Variants in GRID2 observed in about 807,000 individuals in gnomAD.
GRID2 encodes glutamate receptor ionotropic, delta-2.
Under a neutral mutation model 114.8 loss-of-function variants are expected in GRID2, and 33 were observed. That is an observed-to-expected ratio of 0.29 (90% confidence interval 0.22 to 0.38). GRID2 has a LOEUF of 0.38. GRID2 is among the 10% of genes least tolerant of loss of function. The pLI, the probability that GRID2 is intolerant of heterozygous loss-of-function variation, is 1.00. For synonymous variants in GRID2, 505 were observed against 449.9 expected, an observed-to-expected ratio of 1.12 and a Z score of -1.55; for missense variants, 1,184 against 1,257.7, an observed-to-expected ratio of 0.94 and a Z score of 0.89.
chr4:92,964,362 G>C (rs2149160639), intron 2 of GRID2, among the ~76,000 whole-genome samples: 1 of 152,018 alleles, frequency 6.6e-6, no homozygotes, highest in African/African-American at 2.4e-5. Context: ...GGACAAGGGA[G>C]GGGAACATCA....
intron 2 of GRID2, among the ~76,000 whole-genome samples, chr4:92,975,231 T>G (rs2149178376): frequency 6.6e-6 from 1 of 151,076 alleles, no homozygotes; most frequent in Non-Finnish European, 1.5e-5. Flanking sequence ...ATATAATATG[T>G]TGAGCAAGTA....
chr4:93,214,450 A>G (rs1298824889), intron 5 of GRID2, among the ~76,000 whole-genome samples: 1 of 152,062 alleles, frequency 6.6e-6, no homozygotes. Flanking sequence ...TTCCGTAAAT[A>G]TAAAATAGCT....
At chr4:93,796,262 T>C (rs114393066) in intron 1 of GRID2, among the ~76,000 whole-genome samples, 1,918 of 151,904 alleles carry the variant, frequency 0.013, 41 homozygotes, top group African/African-American at 0.044. Flanking sequence ...TAATCAAAGA[T>C]TGATACTCCA....
chr4:93,423,559 G>T (rs1229545481), intron 10 of GRID2, among the ~76,000 whole-genome samples: 1 of 151,402 alleles, frequency 6.6e-6, no homozygotes, highest in African/African-American at 2.4e-5. Context: ...ATGTTAGCCA[G>T]GATGGACTAT....
chr4:92,329,569 TAGG>T (rs1411466498), intron 1 of GRID2, among the ~76,000 whole-genome samples: 9 of 152,188 alleles, frequency 5.9e-5, no homozygotes, highest in Non-Finnish European at 1.3e-4. Context: ...ATAGAGTTGT[TAGG>T]AGGCCCAAAT....
chr4:93,440,491 G>A (rs10012950), intron 10 of GRID2, among the ~76,000 whole-genome samples: 28,900 of 151,966 alleles, frequency 0.19, 4,816 homozygotes, highest in African/African-American at 0.45. Context: ...TACACAGGCA[G>A]GAAGTTAAAA....
chr4:93,056,463 G>C (rs1014816138), intron 2 of GRID2, among the ~76,000 whole-genome samples: 1 of 151,418 alleles, frequency 6.6e-6, no homozygotes, highest in Admixed American at 6.6e-5. Context: ...ATGCTGCATA[G>C]ACTAGAAAAA....
chr4:92,702,258 G>A (rs905775517), intron 2 of GRID2: 1 of 152,110 alleles, frequency 6.6e-6, no homozygotes, highest in African/African-American at 2.4e-5. Context: ...TTACCCAAAA[G>A]TAGGGTTTGT....
intron 8 of GRID2, among the ~76,000 whole-genome samples, chr4:93,315,032 C>T (rs967426214): frequency 6.6e-6 from 1 of 152,046 alleles, no homozygotes; most frequent in Non-Finnish European, 1.5e-5. Flanking sequence ...TTTTGCCTGG[C>T]TGGGGAGGCC....
At chr4:93,381,417 C>A (rs970740458) in intron 8 of GRID2, among the ~76,000 whole-genome samples, 6 of 152,088 alleles carry the variant, frequency 3.9e-5, no homozygotes, top group Non-Finnish European at 8.8e-5. Context: ...GTAAGGCTGA[C>A]TGATAAGGAG....
intron 10 of GRID2, among the ~76,000 whole-genome samples, chr4:93,432,772 G>A (rs544684581): frequency 6.6e-6 from 1 of 152,188 alleles, no homozygotes; most frequent in East Asian, 1.9e-4. Context: ...TATTGATATT[G>A]GTTCATTGGC....
chr4:93,192,590 A>C (rs1441306467), intron 4 of GRID2, among the ~76,000 whole-genome samples: 1 of 152,004 alleles, frequency 6.6e-6, no homozygotes, highest in Non-Finnish European at 1.5e-5. Context: ...GCTACTAAAA[A>C]TACAAAAAAT....
At chr4:93,145,610 C>G (rs1230681372) in intron 4 of GRID2, among the ~76,000 whole-genome samples, 1 of 144,940 alleles carries the variant, frequency 6.9e-6, no homozygotes, top group Non-Finnish European at 1.5e-5. Flanking sequence ...AGGTGCCTGA[C>G]ACCCCACCCA....
chr4:92,310,716 T>A (rs780758186), intron 1 of GRID2, among the ~76,000 whole-genome samples: 1 of 152,054 alleles, frequency 6.6e-6, no homozygotes, highest in Admixed American at 6.6e-5. Context: ...TTCATTTTTA[T>A]CAACCCTAAA....
chr4:92,925,090 A>G (rs571942099), intron 2 of GRID2, among the ~76,000 whole-genome samples: 7 of 152,230 alleles, frequency 4.6e-5, no homozygotes, highest in Admixed American at 1.3e-4. Flanking sequence ...TCTTTGCTCA[A>G]CTAGGTTAGT....
chr4:93,090,703 T>C (rs1730709953), intron 3 of GRID2, among the ~76,000 whole-genome samples: 1 of 152,144 alleles, frequency 6.6e-6, no homozygotes, highest in Non-Finnish European at 1.5e-5. Flanking sequence ...AAATTTCTTA[T>C]GGCTACCCTA....
At chr4:93,796,895 A>G (rs1734814181) in intron 1 of GRID2, among the ~76,000 whole-genome samples, 2 of 152,122 alleles carry the variant, frequency 1.3e-5, no homozygotes. Flanking sequence ...AATTTAATGT[A>G]CAGTCATGCA....
chr4:92,484,209 A>G (rs1234761149), intron 1 of GRID2, among the ~76,000 whole-genome samples: 1 of 152,172 alleles, frequency 6.6e-6, no homozygotes, highest in Non-Finnish European at 1.5e-5. Context: ...ACCTACCCAA[A>G]GTCACAAAGA....
intron 8 of GRID2, among the ~76,000 whole-genome samples, chr4:93,365,244 A>G (rs999094938): frequency 6.6e-5 from 10 of 152,138 alleles, no homozygotes; most frequent in African/African-American, 1.7e-4. Context: ...TTATGTTTCT[A>G]TAAACCATCC....
Sources: allele counts gnomAD v4.1 joint callset (sites outside exome capture counted in the v4.1 genomes callset), GRCh38; gene constraint gnomAD v4.1.1; transcripts MANE v1.5; gene names NCBI Gene and HGNC (gene_info 2026-07-23, HGNC 2026-07-21).